Variants in WDR19 observed in about 807,000 individuals in gnomAD.
WDR19 encodes WD repeat domain 19.
Under a neutral mutation model 180.0 loss-of-function variants are expected in WDR19, and 121 were observed. The ratio of observed to expected loss-of-function variants is 0.67; its 90% CI spans 0.58 to 0.78. WDR19 has a LOEUF of 0.78. Among genes scored for constraint, WDR19 ranks in the 30% least tolerant of loss-of-function variants. The probability of loss-of-function intolerance (pLI) is 0.00; values close to 1 mark genes in which losing one functional copy is unlikely to be tolerated. For synonymous variants in WDR19, 497 were observed against 540.7 expected (o/e 0.92, Z 1.12); for missense variants, 1,450 against 1,640.7 (o/e 0.88, Z 2.01).
In WDR19 at chr4:39,228,273, A is replaced by C; in HGVS notation, c.1693A>C (p.Asn565His). 1 of 1,613,634 alleles carries C rather than the reference A, an allele frequency of 6.2e-7. No individual in the cohort carries two copies. Among genetic ancestry groups the C allele is most frequent in the Non-Finnish European group, 8.5e-7 (1 of 1,179,692 alleles). The change falls in exon 16 of 37, where the codon AAC becomes CAC. Residue 565 changes from asparagine to histidine, a missense_variant. By Grantham distance (68) the Asn-to-His change is moderately conservative. Coordinates refer to ENST00000399820, the MANE Select transcript of WDR19 (RefSeq NM_025132.4). ...SPTIKGVLWE[N>H]WPMDKGVFIA... ...AACCATTAAAGGTGTTCTTTGGGAA[A>C]ACTGGCCAATGGATAAAGGTGTATT...
At chr4:39,194,099 C>T (rs1302725592) in intron 4 of WDR19, among the ~76,000 whole-genome samples, 3 of 152,100 alleles carry the variant, frequency 2.0e-5, no homozygotes, top group African/African-American at 7.2e-5. Flanking sequence ...TTAATGGTGA[C>T]GGAGCTGGAA....
chr4:39,281,203 A>ATGTGTGTGTGTGTGTGTG (rs1254088982), intron 36 of WDR19, among the ~76,000 whole-genome samples: 47 of 74,170 alleles, frequency 6.3e-4, no homozygotes, highest in African/African-American at 3.5e-3. Flanking sequence ...TCCTAAATAT[A>ATGTGTGTGTGTGTGTGTG]TATGTGTGTG....
At chr4:39,189,193 G>A (rs1278963302) in intron 3 of WDR19, among the ~76,000 whole-genome samples, 1 of 152,050 alleles carries the variant, frequency 6.6e-6, no homozygotes, top group East Asian at 1.9e-4. Context: ...CAAAGTGCTG[G>A]GATTACAGGT....
chr4:39,275,265 G>A (rs944747861), intron 33 of WDR19: 14 of 356,834 alleles, frequency 3.9e-5, no homozygotes, highest in African/African-American at 1.5e-4. Context: ...GCTTGAACCC[G>A]GGAGGCAGAG....
rs752404680 is a variant in WDR19 at position 39,228,510 on chromosome 4, G to A, written c.1802G>A (p.Ser601Asn). The A allele has an allele frequency of 6.2e-7, 1 of 1,613,836 alleles. No individual in the cohort carries two copies. Among genetic ancestry groups the A allele is most frequent in the Non-Finnish European group, 8.5e-7 (1 of 1,179,784 alleles). ...IQGAKVILAG[S>N]TKVPFAHKPL... ...GGAGCCAAGGTTATTTTGGCTGGTA[G>A]CACCAAAGTTCCTTTTGCTCATAAA... Residue 601 changes from serine (S) to asparagine (N), a missense_variant, in exon 17 of 37, where the codon AGC becomes AAC. Ser to Asn is a conservative substitution (Grantham distance 46). Coordinates refer to ENST00000399820, the MANE Select transcript of WDR19 (RefSeq NM_025132.4).
At chr4:39,182,613 G>T in intron 1 of WDR19, 50 bp downstream of exon 1, 1 of 1,612,706 alleles carries the variant, frequency 6.2e-7, no homozygotes, top group Non-Finnish European at 8.5e-7. Context: ...GCGACTACTG[G>T]CCCTTGGTCG....
intron 9 of WDR19, among the ~76,000 whole-genome samples, chr4:39,209,453 A>G (rs1229782242): frequency 1.3e-5 from 2 of 152,156 alleles, no homozygotes; most frequent in Non-Finnish European, 2.9e-5. Flanking sequence ...ATAAACATAA[A>G]GCAAAAGGAA....
intron 20 of WDR19, chr4:39,237,599 A>T (rs1731509336): frequency 6.6e-6 from 1 of 152,280 alleles, no homozygotes; most frequent in East Asian, 1.9e-4. Flanking sequence ...TCTAACCATG[A>T]TATCTTATTT....
Position 39,232,278 on chromosome 4 carries a change from G to A in WDR19, c.2253+6G>A. 6.3e-7 allele frequency: 1 copy of A among 1,589,262 alleles called. No individual in the cohort carries two copies. Among genetic ancestry groups the A allele is most frequent in the Non-Finnish European group, 8.6e-7 (1 of 1,167,580 alleles). On this transcript the variant is annotated splice_donor_region_variant and intron_variant, in intron 19 of 36. Transcript: ENST00000399820. ...GTCCTATTGCTGCCCTGGAGGTATG[G>A]CAGCAAGTAAGAATGGAAATTGTGT...
At chr4:39,252,284 C>T (rs1243342126) in intron 24 of WDR19, among the ~76,000 whole-genome samples, 1 of 145,990 alleles carries the variant, frequency 6.8e-6, no homozygotes, top group Non-Finnish European at 1.5e-5. Flanking sequence ...CTCATGTTCT[C>T]ACTCATAGGT....
chr4:39,219,983 C>G (rs1237110623), intron 14 of WDR19, among the ~76,000 whole-genome samples: 1 of 152,036 alleles, frequency 6.6e-6, no homozygotes. Flanking sequence ...TTTTGGGAGG[C>G]CGAGGCGGGT....
At chr4:39,272,495 C>G (rs1032047856) in intron 31 of WDR19, among the ~76,000 whole-genome samples, 1 of 152,178 alleles carries the variant, frequency 6.6e-6, no homozygotes. Context: ...TGCTGACTCT[C>G]GAGGCTCACC....
intron 9 of WDR19, among the ~76,000 whole-genome samples, chr4:39,211,961 GAGAGAGAGAGAGAGAGAGAGAGAGAT>G (rs1219655998): frequency 2.1e-5 from 3 of 141,298 alleles, no homozygotes; most frequent in African/African-American, 9.1e-5. Flanking sequence ...GAGAGAGAGA[GAGAGAGAGAGAGAGAGAGAGAGAGAT>G]AGATAGATGT....
intron 24 of WDR19, among the ~76,000 whole-genome samples, chr4:39,251,137 C>T (rs1265866889): frequency 2.0e-5 from 3 of 152,132 alleles, no homozygotes; most frequent in Non-Finnish European, 2.9e-5. Flanking sequence ...ACCAAAACAG[C>T]GTGGTACTGG....
chr4:39,267,730 C>T (rs16988409), intron 29 of WDR19, among the ~76,000 whole-genome samples: 51,618 of 151,966 alleles, frequency 0.34, 8,920 homozygotes, highest in African/African-American at 0.39. Context: ...TCTGTGAAAT[C>T]GGGATAACAA....
At chr4:39,249,400 C>G (rs1416478847) in intron 24 of WDR19, among the ~76,000 whole-genome samples, 4 of 151,450 alleles carry the variant, frequency 2.6e-5, no homozygotes, top group Non-Finnish European at 5.9e-5. Context: ...CAGGAAAGAT[C>G]TAAAACTGAC....
chr4:39,203,354 G>A (rs1156619676), intron 6 of WDR19, among the ~76,000 whole-genome samples: 2 of 152,070 alleles, frequency 1.3e-5, no homozygotes, highest in Non-Finnish European at 2.9e-5. Flanking sequence ...CCCATAGCTA[G>A]CTGCTCTGGA....
intron 23 of WDR19, among the ~76,000 whole-genome samples, chr4:39,244,925 C>CTTTTTTTTTTTTTTTTTTTTTTT: frequency 7.5e-6 from 1 of 133,892 alleles, no homozygotes; most frequent in African/African-American, 2.7e-5. Context: ...GATTTTCTTT[C>CTTTTTTTTTTTTTTTTTTTTTTT]TTTTTTTTTT....
rs776659376 is a variant in WDR19, at chr4:39,225,033, A to G, written c.1629A>G (p.Pro543=). ...AAAGTGATGGATTTGTTTACTGTCC[A>G]GTAAGTCTGGAACATTTTTAAATGT... ...DEKSDGFVYC[P]VNDATYEIPD... is the part of the protein sequence containing the mutation. Residue 543 remains proline, a splice_region_variant and synonymous_variant, in exon 15 of 37, where the codon CCA becomes CCG. Transcript: ENST00000399820. 2.0e-5 allele frequency: 31 copies of G among 1,549,158 alleles called. No individual in the cohort carries two copies. Among genetic ancestry groups the G allele is most frequent in the Non-Finnish European group, 2.4e-5 (28 of 1,148,742 alleles).
Sources: gnomAD v4.1 joint callset for allele counts (sites outside exome capture counted in the v4.1 genomes callset) on GRCh38, gnomAD v4.1.1 for gene constraint, MANE v1.5 for transcripts, NCBI Gene and HGNC (gene_info 2026-07-23, HGNC 2026-07-21) for gene names.